Variants in DAB1 observed in about 807,000 individuals in gnomAD.
The protein encoded by DAB1 is DAB adaptor protein 1.
DAB1 carries 15 observed loss-of-function variants against 64.6 expected under a neutral mutation model. That is an observed-to-expected ratio of 0.23 (90% CI 0.16 to 0.36). The LOEUF (loss-of-function observed/expected upper bound fraction) is 0.36, where lower values mean the gene tolerates loss of function less well. Among genes scored for constraint, DAB1 ranks in the 10% least tolerant of loss-of-function variants. The pLI is 1.00. For missense variants in DAB1, 596 were observed against 706.7 expected (o/e 0.84, Z 1.78); for synonymous variants, 235 against 251.9 (o/e 0.93, Z 0.64).
chr1:57,790,860 C>G (rs1252424087), intron 6 of DAB1, among the ~76,000 whole-genome samples: 4 of 152,064 alleles, frequency 2.6e-5, no homozygotes, highest in African/African-American at 9.7e-5. Context: ...TATAAAGCAC[C>G]TGGTGCATTA....
intron 5 of DAB1, among the ~76,000 whole-genome samples, chr1:58,089,739 C>A (rs1325800246): frequency 6.6e-6 from 1 of 152,144 alleles, no homozygotes; most frequent in Non-Finnish European, 1.5e-5. Context: ...TGAAATTACA[C>A]CGTTCCAATA....
chr1:58,071,884 A>T (rs1048247432), intron 5 of DAB1, among the ~76,000 whole-genome samples: 5 of 152,176 alleles, frequency 3.3e-5, no homozygotes, highest in Non-Finnish European at 7.4e-5. Flanking sequence ...AGCATTTATT[A>T]TTTCCAAGCA....
chr1:57,874,118 A>G (rs1449934091), intron 1 of DAB1: 4 of 152,164 alleles, frequency 2.6e-5, no homozygotes, highest in Non-Finnish European at 2.9e-5. Context: ...CTGCTGTATG[A>G]TATTAATGAA....
chr1:57,695,306 A>G (rs1408845176), intron 6 of DAB1, among the ~76,000 whole-genome samples: 1,503 of 97,324 alleles, frequency 0.015, 110 homozygotes, highest in African/African-American at 0.061. Context: ...GAAGGAAAGA[A>G]AGAAAGAAAG....
chr1:57,017,961 A>G (rs112997563), intron 11 of DAB1, among the ~76,000 whole-genome samples: 30 of 152,234 alleles, frequency 2.0e-4, no homozygotes, highest in African/African-American at 6.7e-4. Context: ...CGGTTGTCAC[A>G]AGAGGAGGGG....
chr1:57,505,632 C>T (rs892199635), intron 7 of DAB1, among the ~76,000 whole-genome samples: 6 of 152,098 alleles, frequency 3.9e-5, no homozygotes, highest in Admixed American at 2.0e-4. Flanking sequence ...TAATTAGTGT[C>T]CTGATTTCAA....
chr1:58,421,475 A>C (rs758316332), intron 3 of DAB1, among the ~76,000 whole-genome samples: 15 of 152,228 alleles, frequency 9.9e-5, no homozygotes, highest in Non-Finnish European at 1.6e-4. Context: ...AAAGTTCTTA[A>C]TTTGTGTAGA....
chr1:57,140,658 C>T (rs1177320180), intron 3 of DAB1, among the ~76,000 whole-genome samples: 4 of 152,130 alleles, frequency 2.6e-5, no homozygotes, highest in Admixed American at 2.6e-4. Context: ...AGTGTTGGGA[C>T]ACTTAAGCAA....
chr1:57,080,577 C>T (rs1652405727), intron 4 of DAB1, among the ~76,000 whole-genome samples: 1 of 152,110 alleles, frequency 6.6e-6, no homozygotes, highest in South Asian at 2.1e-4. Flanking sequence ...AATTCCTTGC[C>T]TAAATATAGG....
At chr1:57,641,932 A>G (rs142733520) in intron 7 of DAB1, among the ~76,000 whole-genome samples, 81 of 152,102 alleles carry the variant, frequency 5.3e-4, no homozygotes, top group African/African-American at 1.9e-3. Context: ...TCATCCACAT[A>G]GGTCTGGGTT....
rs549238293 is a variant in DAB1, at chr1:57,482,018, T to C, written n.625+167574A>G. 7.9e-5 allele frequency among the ~76,000 whole-genome samples: 12 copies of C among 152,246 alleles called. No individual in the cohort carries two copies. In the East Asian group the frequency reaches 2.3e-3, roughly 29 times the overall value. On this transcript the variant is annotated intron_variant and non_coding_transcript_variant, in intron 7 of 20. Coordinates refer to the DAB1 transcript ENST00000485760. The stretch of plus-strand genomic sequence containing the variant: ...ATTTGTTTTAAATTTAACACATGGA[T>C]TCATGAATAATGCTATAGAGAATCC...
chr1:57,052,923 G>C (rs2100532702), intron 9 of DAB1, among the ~76,000 whole-genome samples: 1 of 152,242 alleles, frequency 6.6e-6, no homozygotes, highest in Admixed American at 6.5e-5. Flanking sequence ...ATACTACCGT[G>C]CTCTTCCCCT....
chr1:58,019,681 C>T (rs573565102), intron 5 of DAB1, among the ~76,000 whole-genome samples: 1 of 152,066 alleles, frequency 6.6e-6, no homozygotes, highest in Admixed American at 6.6e-5. Flanking sequence ...CAATTTGAAC[C>T]CAGGTCTGTC....
intron 4 of DAB1, among the ~76,000 whole-genome samples, chr1:57,105,179 C>G (rs958208827): frequency 6.6e-6 from 1 of 151,994 alleles, no homozygotes; most frequent in Non-Finnish European, 1.5e-5. Flanking sequence ...GGATATTTTA[C>G]AAATTCTTTT....
chr1:57,949,958 G>A (rs1645247439), intron 5 of DAB1, among the ~76,000 whole-genome samples: 1 of 152,180 alleles, frequency 6.6e-6, no homozygotes, highest in South Asian at 2.1e-4. Flanking sequence ...TTTCACAGAT[G>A]AGGTTACAGA....
intron 4 of DAB1, among the ~76,000 whole-genome samples, chr1:58,191,213 T>C (rs986317032): frequency 1.3e-5 from 2 of 152,170 alleles, no homozygotes; most frequent in African/African-American, 4.8e-5. Flanking sequence ...TTAACTAATA[T>C]TTACTGAGCA....
chr1:58,223,001 C>T (rs1203269342), intron 4 of DAB1, among the ~76,000 whole-genome samples: 1 of 152,162 alleles, frequency 6.6e-6, no homozygotes. Flanking sequence ...GGTCAGGGGC[C>T]TCTTTGAGAC....
rs116205382 is a variant in DAB1 at position 57,559,867 on chromosome 1, C to T, written n.625+89725G>A. Among the ~76,000 whole-genome samples the T allele has an allele frequency of 8.6e-3, 1,308 of 152,254 alleles. 19 individuals carry two copies. Among genetic ancestry groups the T allele is most frequent in the African/African-American group, 0.03 (1,253 of 41,546 alleles). On this transcript the variant is annotated intron_variant and non_coding_transcript_variant, in intron 7 of 20. Transcript: ENST00000485760. ...TAATATCGCATCCTTGGAGGGATTG[C>T]GAAGATTAGTGCCACCATCAAGGAT...
In DAB1 at chr1:57,350,655, G is replaced by A. The variant is rs190233283; in HGVS notation, c.-136-59489C>T. On this transcript the variant is annotated intron_variant, in intron 1 of 14. Transcript: ENST00000371236. ...ATACCTCTGACTGGCACCAAAAAGGGACAAAGAGCTTGAGAATGAAAGAGA... is the reference window on the plus strand; with the variant it reads ...ATACCTCTGACTGGCACCAAAAAGGAACAAAGAGCTTGAGAATGAAAGAGA... Among the ~76,000 whole-genome samples the A allele has an allele frequency of 1.6e-3, 240 of 152,106 alleles. 1 individual carries two copies. Among genetic ancestry groups the A allele is most frequent in the Admixed American group, 3.9e-3 (59 of 15,268 alleles).
Sources: allele counts gnomAD v4.1 joint callset (sites outside exome capture counted in the v4.1 genomes callset), GRCh38; gene constraint gnomAD v4.1.1; transcripts MANE v1.5; gene names NCBI Gene and HGNC (gene_info 2026-07-23, HGNC 2026-07-21).